Variants in C14orf39 observed in about 807,000 individuals in gnomAD.
C14orf39 encodes protein SIX6OS1.
Under a neutral mutation model 85.6 loss-of-function variants are expected in C14orf39, and 66 were observed. That is an observed-to-expected ratio of 0.77 (90% CI 0.63 to 0.95). The LOEUF (loss-of-function observed/expected upper bound fraction) is 0.95. Ranked by LOEUF, C14orf39 falls within the 40% of genes least tolerant of loss-of-function variation. The pLI is 0.00. For missense variants in C14orf39, 735 were observed against 663.9 expected, an observed-to-expected ratio of 1.11 and a Z score of -1.18; for synonymous variants, 242 against 214.0, an observed-to-expected ratio of 1.13 and a Z score of -1.14.
intron 15 of C14orf39, 118 bp from the exon 16 acceptor site, chr14:60,455,263 T>C (rs1031566629): frequency 6.1e-6 from 4 of 660,994 alleles, no homozygotes; most frequent in Admixed American, 3.5e-5. Flanking sequence ...ATGTAGGAAG[T>C]AGTTATTGAA....
intron 1 of C14orf39, chr14:60,511,010 G>A: frequency 6.8e-7 from 1 of 1,474,996 alleles, no homozygotes; most frequent in Non-Finnish European, 9.3e-7. Context: ...CTGGAGGGAC[G>A]CAGGAGGTGG....
chr14:60,448,134 C>T (rs764190516), intron 16 of C14orf39, among the ~76,000 whole-genome samples: 2 of 152,050 alleles, frequency 1.3e-5, no homozygotes, highest in African/African-American at 2.4e-5. Context: ...CAGGCATGGC[C>T]GAGGACTTCA....
Position 60,491,283 on chromosome 14 carries a change from G to T in C14orf39, c.-8-6197C>A, listed in dbSNP as rs1436192450. On this transcript the variant is annotated intron_variant, in intron 2 of 5. Coordinates refer to the C14orf39 transcript ENST00000556799. The surrounding 1 kb of genome is among the most constrained non-coding windows in gnomAD (Gnocchi z 4.5). ...CTCTTTGCTTCCAAAATGGTGTCTT[G>T]TTGCTGTCCTCCGGAGAGGACAAAT... Among the ~76,000 whole-genome samples, 2 of 152,182 alleles carry T rather than the reference G, an allele frequency of 1.3e-5. No homozygotes were observed. Among genetic ancestry groups the T allele is most frequent in the Non-Finnish European group, 2.9e-5 (2 of 68,018 alleles).
intron 1 of C14orf39, chr14:60,511,410 G>A: frequency 1.1e-6 from 1 of 894,852 alleles, no homozygotes; most frequent in Non-Finnish European, 1.8e-6. Flanking sequence ...GCCCCACCCC[G>A]CGGCCGGCCT....
intron 5 of C14orf39, among the ~76,000 whole-genome samples, chr14:60,476,119 A>G (rs973327885): frequency 1.3e-5 from 2 of 152,212 alleles, no homozygotes; most frequent in Non-Finnish European, 2.9e-5. Context: ...GCCCCAAACA[A>G]GCTCCTATTC....
intron 2 of C14orf39, chr14:60,495,346 C>A: frequency 9.4e-6 from 2 of 213,834 alleles, no homozygotes; most frequent in South Asian, 1.7e-4. Context: ...ATAGTTTGGT[C>A]CCACCCCAGG....
chr14:60,507,359 C>A (rs905670832), intron 1 of C14orf39, among the ~76,000 whole-genome samples: 1 of 152,184 alleles, frequency 6.6e-6, no homozygotes, highest in African/African-American at 2.4e-5. Flanking sequence ...GCCCTTGTAT[C>A]CGATGTTTCT....
In C14orf39 at chr14:60,484,116, T is replaced by A. The variant is rs1470353062; in HGVS notation, c.107-299A>T. Among the ~76,000 whole-genome samples, 2 of 152,204 alleles carry A rather than the reference T, an allele frequency of 1.3e-5. No homozygotes were observed. The highest frequency in any genetic ancestry group is 2.9e-5 in the Non-Finnish European group (2 of 68,030). The stretch of plus-strand genomic sequence containing the variant: ...ATTCAGTGATATCTAAGGTCAATCG[T>A]ATCTTAAGATGCTATGAATTCTTGC... On this transcript the variant is annotated intron_variant, in intron 3 of 17. Transcript: ENST00000321731. The surrounding 1 kb of genome is among the most constrained non-coding windows in gnomAD (Gnocchi z 4.2).
At position 60,491,816 on chromosome 14, in the gene C14orf39, TTCTCTC is replaced by T. The variant is rs139438459; in HGVS notation, c.-8-6736_-8-6731del. Among the ~76,000 whole-genome samples, 1 of 149,964 alleles carries T rather than the reference TTCTCTC, an allele frequency of 6.7e-6. No homozygotes were observed. The highest frequency in any genetic ancestry group is 1.5e-5 in the Non-Finnish European group (1 of 67,288). ...AAATGTAAATATTCTCTCTCTCTTT[TTCTCTC>T]TCTCTCTCTCTCTCACACACACACA... is the stretch of plus-strand genomic sequence containing the variant. On this transcript the variant is annotated intron_variant, in intron 2 of 5. Transcript: ENST00000556799. This position sits in a 1 kb window ranked among gnomAD's most constrained non-coding sequence, Gnocchi z 4.5.
At chr14:60,469,016 T>C (rs1038831681) in intron 8 of C14orf39, among the ~76,000 whole-genome samples, 2 of 151,444 alleles carry the variant, frequency 1.3e-5, no homozygotes, top group Non-Finnish European at 1.5e-5. Flanking sequence ...TGGGTTATCA[T>C]AGCTATGTAA....
At chr14:60,447,467 C>G (rs1317798148) in intron 16 of C14orf39, among the ~76,000 whole-genome samples, 4 of 152,062 alleles carry the variant, frequency 2.6e-5, no homozygotes, top group Non-Finnish European at 4.4e-5. Flanking sequence ...GAATAAAATA[C>G]CAGAAATACA....
chr14:60,514,777 G>GT (rs1321997277), intron 1 of C14orf39, among the ~76,000 whole-genome samples: 1 of 152,244 alleles, frequency 6.6e-6, no homozygotes, highest in Non-Finnish European at 1.5e-5. Flanking sequence ...GAATGTGAAT[G>GT]GGGCGGGAGG....
chr14:60,503,674 A>G (rs1893172254), intron 1 of C14orf39, among the ~76,000 whole-genome samples: 1 of 152,186 alleles, frequency 6.6e-6, no homozygotes, highest in Non-Finnish European at 1.5e-5. Context: ...AAGAACATAG[A>G]TCCTAACAAG....
chr14:60,456,360 C>A (rs929598501), intron 15 of C14orf39, among the ~76,000 whole-genome samples: 3 of 151,468 alleles, frequency 2.0e-5, no homozygotes, highest in African/African-American at 7.3e-5. Context: ...GAAGAAATGA[C>A]TGATGGAATA....
At chr14:60,483,571 C>A (rs1166849660) in intron 4 of C14orf39, 120 bp downstream of exon 4, 5 of 802,850 alleles carry the variant, frequency 6.2e-6, no homozygotes. Context: ...TAACAAGGCA[C>A]ATTAAGACTT....
intron 16 of C14orf39, 91 bp downstream of exon 16, chr14:60,454,910 G>T: frequency 2.0e-6 from 2 of 992,398 alleles, no homozygotes; most frequent in South Asian, 2.1e-5. Flanking sequence ...TTGATAATCT[G>T]CCCCAAGACA....
intron 11 of C14orf39, 61 bp from the exon 12 acceptor site, chr14:60,461,654 G>A: frequency 2.0e-6 from 2 of 998,646 alleles, no homozygotes; most frequent in Non-Finnish European, 2.9e-6. Context: ...TTTTTTGCTT[G>A]TCGTTAGCAA....
At chr14:60,464,539 T>C (rs1441814390) in intron 11 of C14orf39, among the ~76,000 whole-genome samples, 1 of 152,138 alleles carries the variant, frequency 6.6e-6, no homozygotes, top group Non-Finnish European at 1.5e-5. Flanking sequence ...ATTTTGAAAC[T>C]TGAAATAATT....
At chr14:60,439,367 A>G (rs900494143) in intron 17 of C14orf39, among the ~76,000 whole-genome samples, 4 of 152,190 alleles carry the variant, frequency 2.6e-5, no homozygotes, top group Non-Finnish European at 5.9e-5. Context: ...GGAAAACACC[A>G]ATTAGGATGA....
Sources: gnomAD v4.1 joint callset for allele counts (sites outside exome capture counted in the v4.1 genomes callset) on GRCh38, gnomAD v4.1.1 for gene constraint, Gnocchi (gnomAD v3.1) non-coding constraint, MANE v1.5 for transcripts, NCBI Gene and HGNC (gene_info 2026-07-23, HGNC 2026-07-21) for gene names.